Variants in NRG3 observed in about 807,000 individuals in gnomAD.
NRG3 encodes the protein neuregulin 3, also known as pro-neuregulin-3, membrane-bound isoform.
A neutral mutation model predicts 66.9 loss-of-function variants in NRG3; 31 were observed. The observed-to-expected ratio is 0.46, with a 90% CI of 0.35 to 0.63. The LOEUF is 0.63. Ranked by LOEUF, NRG3 falls within the 20% of genes least tolerant of loss-of-function variation. The pLI, the probability that NRG3 is intolerant of heterozygous loss-of-function variation, is 0.00. For synonymous variants in NRG3, 393 were observed against 359.4 expected (o/e 1.09, Z -1.06); for missense variants, 910 against 878.9 (o/e 1.04, Z -0.45).
chr10:81,941,388 G>T (rs1455672151), intron 1 of NRG3, among the ~76,000 whole-genome samples: 3 of 152,042 alleles, frequency 2.0e-5, no homozygotes, highest in Non-Finnish European at 4.4e-5. Context: ...CACTTGAAAT[G>T]TGCATTTCTG....
intron 1 of NRG3, among the ~76,000 whole-genome samples, chr10:82,150,530 C>CA (rs1188955647): frequency 4.2e-3 from 112 of 26,694 alleles, no homozygotes; most frequent in South Asian, 0.018. Flanking sequence ...AGAGCACACA[C>CA]AAAAAAAAAA....
intron 1 of NRG3, among the ~76,000 whole-genome samples, chr10:82,318,329 C>T (rs1341832568): frequency 1.3e-5 from 2 of 152,018 alleles, no homozygotes; most frequent in Admixed American, 6.6e-5. Flanking sequence ...TTTGGGGTCC[C>T]AAGATTTAAT....
intron 2 of NRG3, among the ~76,000 whole-genome samples, chr10:82,440,327 A>T (rs1380238620): frequency 6.8e-6 from 1 of 146,940 alleles, no homozygotes; most frequent in Non-Finnish European, 1.5e-5. Context: ...TCTCTCATTT[A>T]AAAAAAAAAT....
chr10:82,623,180 GA>G (rs1350141496), intron 2 of NRG3, among the ~76,000 whole-genome samples: 1 of 152,130 alleles, frequency 6.6e-6, no homozygotes, highest in African/African-American at 2.4e-5. Flanking sequence ...AGCAATTAAA[GA>G]AGGATATAAA....
At chr10:82,855,525 G>T (rs942197198) in intron 3 of NRG3, among the ~76,000 whole-genome samples, 1 of 151,956 alleles carries the variant, frequency 6.6e-6, no homozygotes, top group Non-Finnish European at 1.5e-5. Flanking sequence ...AGCCTTCCTG[G>T]TAGCTGGGAC....
intron 1 of NRG3, among the ~76,000 whole-genome samples, chr10:82,189,473 T>C (rs1395425131): frequency 6.6e-6 from 1 of 151,190 alleles, no homozygotes; most frequent in East Asian, 2.0e-4. Context: ...CTGGCCAACA[T>C]GAGGAAACCT....
intron 2 of NRG3, among the ~76,000 whole-genome samples, chr10:82,554,471 G>A (rs2044519132): frequency 6.6e-6 from 1 of 152,142 alleles, no homozygotes; most frequent in African/African-American, 2.4e-5. Context: ...TGAAGCATTT[G>A]CAATGACTTC....
chr10:82,441,425 T>C (rs2090425970), intron 2 of NRG3, among the ~76,000 whole-genome samples: 1 of 152,174 alleles, frequency 6.6e-6, no homozygotes, highest in Non-Finnish European at 1.5e-5. Flanking sequence ...TGTTAGTACA[T>C]GTAGTTTCAA....
chr10:82,843,356 A>G (rs2063154510), intron 3 of NRG3: 2 of 360,876 alleles, frequency 5.5e-6, no homozygotes, highest in Non-Finnish European at 1.1e-5. Context: ...CCTTCCTTCC[A>G]TCATGGACTG....
At chr10:82,375,614 C>T (rs1225591341) in intron 2 of NRG3, among the ~76,000 whole-genome samples, 4 of 151,978 alleles carry the variant, frequency 2.6e-5, no homozygotes, top group Non-Finnish European at 5.9e-5. Flanking sequence ...CGCCAAAACG[C>T]TAAGTGAATT....
At chr10:82,548,531 A>T (rs942442810) in intron 2 of NRG3, among the ~76,000 whole-genome samples, 8 of 121,468 alleles carry the variant, frequency 6.6e-5, no homozygotes, top group South Asian at 2.4e-4. Context: ...TCTCACACAC[A>T]CACACACACA....
Position 82,766,373 on chromosome 10 carries a change from A to G in NRG3, c.1027+27723A>G, listed in dbSNP as rs932736849. 9.2e-5 allele frequency among the ~76,000 whole-genome samples: 14 copies of G among 152,296 alleles called. No individual in the cohort carries two copies. The East Asian group carries it at 2.5e-3, about 27-fold the overall frequency. On this transcript the variant is annotated intron_variant, in intron 3 of 8. Coordinates refer to ENST00000372141, the MANE Select transcript of NRG3 (RefSeq NM_001010848.4). Reference sequence around the variant, plus strand: ...GAAGACTGAAGTGGTCAGCCTGAACAATAACAAAAATGACCACAACTAGTC... The same window carrying G: ...GAAGACTGAAGTGGTCAGCCTGAACGATAACAAAAATGACCACAACTAGTC...
At chr10:82,692,680 CCTCT>C (rs1276782938) in intron 2 of NRG3, among the ~76,000 whole-genome samples, 1 of 152,194 alleles carries the variant, frequency 6.6e-6, no homozygotes, top group East Asian at 1.9e-4. Context: ...TACAGGTGGG[CCTCT>C]AGTCCATTGT....
chr10:82,107,181 G>C (rs2067119488), intron 1 of NRG3, among the ~76,000 whole-genome samples: 1 of 152,196 alleles, frequency 6.6e-6, no homozygotes, highest in Non-Finnish European at 1.5e-5. Flanking sequence ...TCCCAAATCT[G>C]AAAATCCCTA....
At chr10:82,486,568 C>T (rs1842695091) in intron 2 of NRG3, among the ~76,000 whole-genome samples, 1 of 152,076 alleles carries the variant, frequency 6.6e-6, no homozygotes, top group Admixed American at 6.6e-5. Context: ...GCATGTGCCA[C>T]CCCACCTGGC....
In NRG3 at chr10:82,239,858, T is replaced by TATTAAA. The variant is rs548948277; in HGVS notation, c.824-118880_824-118875dup. Among the ~76,000 whole-genome samples the TATTAAA allele has an allele frequency of 3.5e-3, 526 of 152,302 alleles. 4 individuals are homozygous for TATTAAA. Among genetic ancestry groups the TATTAAA allele is most frequent in the African/African-American group, 0.012 (510 of 41,580 alleles). On this transcript the variant is annotated intron_variant, in intron 1 of 8. Transcript: ENST00000372141. ...GTGAGCCAGTATTTATAATATGATC[T>TATTAAA]ATTAAACAATGAAATAGTTTAAATA...
intron 2 of NRG3, among the ~76,000 whole-genome samples, chr10:82,539,378 C>T (rs983233501): frequency 1.3e-5 from 2 of 152,146 alleles, no homozygotes; most frequent in Admixed American, 6.5e-5. Flanking sequence ...CAAAGGATTG[C>T]TTTGTGATTA....
intron 2 of NRG3, among the ~76,000 whole-genome samples, chr10:82,572,865 G>A (rs2133131362): frequency 6.6e-6 from 1 of 151,850 alleles, no homozygotes; most frequent in African/African-American, 2.4e-5. Flanking sequence ...ACCATGGGAT[G>A]CTGTTATCTC....
At chr10:82,262,316 T>A (rs1282791135) in intron 1 of NRG3, among the ~76,000 whole-genome samples, 4 of 152,174 alleles carry the variant, frequency 2.6e-5, no homozygotes, top group Non-Finnish European at 5.9e-5. Context: ...GCCCATGTTT[T>A]ATGCTTCGAT....
Sources: gnomAD v4.1 joint callset for allele counts (sites outside exome capture counted in the v4.1 genomes callset) on GRCh38, gnomAD v4.1.1 for gene constraint, MANE v1.5 for transcripts, NCBI Gene and HGNC (gene_info 2026-07-23, HGNC 2026-07-21) for gene names.